The following GFM1 variants were observed in gnomAD, a reference collection of about 807,000 sequenced individuals.
The protein encoded by GFM1 is G elongation factor mitochondrial 1, also known as elongation factor G, mitochondrial.
A neutral mutation model predicts 96.2 loss-of-function variants in GFM1; 62 were observed. The ratio of observed to expected loss-of-function variants is 0.64; its 90% CI spans 0.53 to 0.80. The LOEUF is 0.80. GFM1 is among the 30% of genes least tolerant of loss of function. GFM1 has a pLI of 0.00. For missense variants in GFM1, 852 were observed against 916.6 expected, an observed-to-expected ratio of 0.93 and a Z score of 0.91; for synonymous variants, 282 against 312.9, an observed-to-expected ratio of 0.90 and a Z score of 1.04.
At chr3:158,653,771 T>C (rs1248483544) in intron 7 of GFM1, among the ~76,000 whole-genome samples, 1 of 148,574 alleles carries the variant, frequency 6.7e-6, no homozygotes, top group Non-Finnish European at 1.5e-5. Flanking sequence ...AAAAAAAAAG[T>C]TTTAAGAAAC....
chr3:158,652,285 AAG>A (rs1722362929), intron 6 of GFM1, 39 bp downstream of exon 6: 2 of 1,595,540 alleles, frequency 1.3e-6, no homozygotes, highest in African/African-American at 2.7e-5. Context: ...TAACAACAAA[AAG>A]AAGTCGTTTG....
intron 9 of GFM1, among the ~76,000 whole-genome samples, chr3:158,659,965 TACTC>T (rs1723068710): frequency 6.6e-6 from 1 of 152,162 alleles, no homozygotes; most frequent in African/African-American, 2.4e-5. Context: ...AAGACATGCT[TACTC>T]ACAGCCACAG....
Position 158,681,993 on chromosome 3 carries a change from A to C in GFM1, c.1602-2A>C. The stretch of plus-strand genomic sequence containing the variant: ...ATTTTTTTTTTCCTAAATCACTTTC[A>C]GGTTTGACTTTACACATAAAAAACA... On this transcript the variant is annotated splice_acceptor_variant, in intron 13 of 17. Transcript: ENST00000486715. LOFTEE classifies it high-confidence loss of function. 1 of 1,611,246 alleles carries C rather than the reference A, an allele frequency of 6.2e-7. No homozygotes were observed. The highest frequency in any genetic ancestry group is 8.5e-7 in the Non-Finnish European group (1 of 1,178,606).
chr3:158,665,100 G>A (rs549014046), intron 11 of GFM1, among the ~76,000 whole-genome samples: 43 of 152,252 alleles, frequency 2.8e-4, no homozygotes, highest in African/African-American at 9.1e-4. Context: ...TTGGACTCTT[G>A]TTTTCTATCT....
At position 158,694,565 on chromosome 3, in the gene GFM1, C is replaced by T. The variant is rs1726483662; in HGVS notation, c.*3098C>T. On this transcript the variant is annotated 3_prime_UTR_variant, in exon 18 of 18. Transcript: ENST00000486715. ...TTAGCTATGTAACAAGCCTGCACAT[C>T]AACCCCTGAACTTAAAGAGATGGGG... Among the ~76,000 whole-genome samples, 2 of 152,126 alleles carry T rather than the reference C, an allele frequency of 1.3e-5. No individual in the cohort carries two copies. The highest frequency in any genetic ancestry group is 6.6e-5 in the Admixed American group (1 of 15,264).
At chr3:158,665,021 C>A (rs1034620395) in intron 11 of GFM1, among the ~76,000 whole-genome samples, 5 of 152,140 alleles carry the variant, frequency 3.3e-5, no homozygotes, top group African/African-American at 1.2e-4. Flanking sequence ...ATTCCAATTT[C>A]TGCTTTATGG....
rs149973151 is a variant in GFM1, at chr3:158,669,466, T to C, written c.1601+3080T>C. ...TTTTGTGCTTCTAGCGGTTCCTTCA[T>C]GGACTTAAGTCTTTGATAAAATGTG... is the stretch of plus-strand genomic sequence containing the variant. On this transcript the variant is annotated intron_variant, in intron 13 of 17. Transcript: ENST00000486715. The C allele has an allele frequency of 3.7e-5, 60 of 1,613,546 alleles. No homozygotes were observed. In the African/African-American group the frequency reaches 6.4e-4, roughly 17 times the overall value.
chr3:158,648,167 C>T (rs1374183949), intron 4 of GFM1, among the ~76,000 whole-genome samples: 1 of 152,068 alleles, frequency 6.6e-6, no homozygotes, highest in African/African-American at 2.4e-5. Flanking sequence ...CAAATCTTTA[C>T]ATTTTATTTT....
chr3:158,658,586 TTTA>T (rs1279937758), intron 8 of GFM1, among the ~76,000 whole-genome samples: 1 of 152,204 alleles, frequency 6.6e-6, no homozygotes, highest in African/African-American at 2.4e-5. Context: ...TTTTTTTTGT[TTTA>T]TATCTTATTG....
At chr3:158,646,046 G>T in intron 2 of GFM1, 119 bp from the exon 3 acceptor site, 2 of 1,264,088 alleles carry the variant, frequency 1.6e-6, no homozygotes, top group African/African-American at 1.5e-5. Context: ...GTCTCCCACA[G>T]TGCTGGGATT....
chr3:158,647,810 T>C (rs1407123447), intron 4 of GFM1, among the ~76,000 whole-genome samples: 1 of 152,222 alleles, frequency 6.6e-6, no homozygotes, highest in African/African-American at 2.4e-5. Context: ...GGAAACACTG[T>C]TTTAGCATTT....
chr3:158,682,213 G>A, intron 14 of GFM1, 56 bp downstream of exon 14: 1 of 1,399,466 alleles, frequency 7.1e-7, no homozygotes, highest in Non-Finnish European at 1.0e-6. Flanking sequence ...AGTTTATCAG[G>A]TATTAAATCA....
chr3:158,681,348 G>A (rs1725365261), intron 13 of GFM1, among the ~76,000 whole-genome samples: 1 of 152,126 alleles, frequency 6.6e-6, no homozygotes, highest in Non-Finnish European at 1.5e-5. Flanking sequence ...CATATCTTTA[G>A]TATATATGTA....
chr3:158,654,205 CTTTTTTTTTTTTTT>C (rs551796824), intron 7 of GFM1, among the ~76,000 whole-genome samples: 1 of 85,974 alleles, frequency 1.2e-5, no homozygotes, highest in Non-Finnish European at 2.0e-5. Context: ...CTCTAAAGAC[CTTTTTTTTTTTTTT>C]TTTTTTTTTT....
rs1297998552 is a variant in GFM1, at chr3:158,694,877, G to T, written c.*3410G>T. Among the ~76,000 whole-genome samples, 1 of 152,164 alleles carries T rather than the reference G, an allele frequency of 6.6e-6. No homozygotes were observed. The highest frequency in any genetic ancestry group is 1.5e-5 in the Non-Finnish European group (1 of 68,028). The stretch of plus-strand genomic sequence containing the variant: ...GTATTATTTTATATGTCTTAAGAAA[G>T]TTCTAAAGGTATTAGGAAAATGAAT... On this transcript the variant is annotated 3_prime_UTR_variant, in exon 18 of 18. Coordinates refer to ENST00000486715, the MANE Select transcript of GFM1 (RefSeq NM_024996.7).
Position 158,652,071 on chromosome 3 carries a change from A to T in GFM1, c.690-25A>T, listed in dbSNP as rs755783105. 4 of 1,609,686 alleles carry T rather than the reference A, an allele frequency of 2.5e-6. No individual in the cohort carries two copies. The East Asian group carries it at 8.9e-5, about 36-fold the overall frequency. ...CATATATTAAGTTGAATATCCTTAA[A>T]GCACCAAAATATTTGCTTTCTTAGT... On this transcript the variant is annotated intron_variant, in intron 5 of 17. Coordinates refer to ENST00000486715, the MANE Select transcript of GFM1 (RefSeq NM_024996.7).
chr3:158,690,474 C>G, intron 16 of GFM1, 151 bp downstream of exon 16: 3 of 718,896 alleles, frequency 4.2e-6, no homozygotes, highest in South Asian at 1.6e-5. Context: ...TAAAGCAACT[C>G]TTAAGTGCAG....
intron 14 of GFM1, among the ~76,000 whole-genome samples, chr3:158,684,109 C>A (rs929727317): frequency 6.6e-6 from 1 of 152,016 alleles, no homozygotes; most frequent in Non-Finnish European, 1.5e-5. Context: ...GAATAAAAAA[C>A]CAAATACCAC....
chr3:158,650,094 A>G (rs1437838552), intron 5 of GFM1: 1 of 1,499,108 alleles, frequency 6.7e-7, no homozygotes, highest in African/African-American at 1.4e-5. Context: ...AGTGAACTAT[A>G]GAATTTATCT....
Sources: gnomAD v4.1 joint callset for allele counts (sites outside exome capture counted in the v4.1 genomes callset) on GRCh38, gnomAD v4.1.1 for gene constraint, MANE v1.5 for transcripts, NCBI Gene and HGNC (gene_info 2026-07-23, HGNC 2026-07-21) for gene names.